The following DIS3L2 variants were observed in gnomAD, a reference collection of about 807,000 sequenced individuals.
DIS3L2 encodes DIS3 like 3'-5' exoribonuclease 2, also known as DIS3-like exonuclease 2.
A neutral mutation model predicts 97.5 loss-of-function variants in DIS3L2; 34 were observed. The ratio of observed to expected loss-of-function variants is 0.35; its 90% CI spans 0.27 to 0.46. The LOEUF is 0.46. Ranked by LOEUF, DIS3L2 falls within the 20% of genes least tolerant of loss-of-function variation. The pLI is 1.00. For synonymous variants in DIS3L2, 435 were observed against 445.2 expected, an observed-to-expected ratio of 0.98 and a Z score of 0.29; for missense variants, 1,038 against 1,146.0, an observed-to-expected ratio of 0.91 and a Z score of 1.36.
chr2:232,342,051 G>T (rs538677895), downstream of DIS3L2, among the ~76,000 whole-genome samples: 1 of 152,230 alleles, frequency 6.6e-6, no homozygotes, highest in South Asian at 2.1e-4. Flanking sequence ...TAAGGTTGTT[G>T]GGGGTAGTTT....
intron 9 of DIS3L2, chr2:232,172,835 C>T: frequency 2.0e-6 from 1 of 510,988 alleles, no homozygotes; most frequent in Non-Finnish European, 3.9e-6. Context: ...GGTAGTATCT[C>T]ATTGTGGTTT....
chr2:231,981,598 T>TTATATATATATATA (rs10669283), intron 1 of DIS3L2, among the ~76,000 whole-genome samples: 83 of 84,044 alleles, frequency 9.9e-4, no homozygotes, highest in Non-Finnish European at 1.3e-3. Context: ...GTTAAGTATT[T>TTATATATATATATA]TATATATATA....
Position 232,163,315 on chromosome 2 carries a change from A to G in DIS3L2, c.951-144A>G, listed in dbSNP as rs912527445. 387 of 731,766 alleles carry G rather than the reference A, an allele frequency of 5.3e-4. 1 individual carries two copies. Among genetic ancestry groups the G allele is most frequent in the Non-Finnish European group, 7.9e-4 (362 of 455,562 alleles). 45.3% of individuals were successfully genotyped at this position (731,766 alleles called of 1,614,324 possible). A position where few individuals can be genotyped will look rare whatever the true frequency, so the allele number is the denominator to read the frequency against. On this transcript the variant is annotated intron_variant, in intron 8 of 20. Coordinates refer to ENST00000325385, the MANE Select transcript of DIS3L2 (RefSeq NM_152383.5). ...CTGTGTCTTCTGCTTTCCCATTGCC[A>G]GTGATTTACGGATGATCATGTTTCT...
intron 5 of DIS3L2, among the ~76,000 whole-genome samples, chr2:232,048,031 C>G (rs1243126575): frequency 1.3e-5 from 2 of 152,132 alleles, no homozygotes; most frequent in Admixed American, 1.3e-4. Flanking sequence ...CATTCATGCA[C>G]AAGATTTTAT....
intron 8 of DIS3L2, among the ~76,000 whole-genome samples, chr2:232,141,998 C>G (rs1488680201): frequency 6.6e-6 from 1 of 152,102 alleles, no homozygotes; most frequent in Non-Finnish European, 1.5e-5. Flanking sequence ...AGCATAGGCT[C>G]CAAGATTAGC....
intron 3 of DIS3L2, among the ~76,000 whole-genome samples, chr2:232,019,909 G>C (rs1694464944): frequency 6.6e-6 from 1 of 152,056 alleles, no homozygotes; most frequent in East Asian, 1.9e-4. Flanking sequence ...AGAATAATTA[G>C]AGAGAGCCTC....
chr2:231,996,335 C>A (rs758026083), intron 1 of DIS3L2, among the ~76,000 whole-genome samples: 1 of 152,174 alleles, frequency 6.6e-6, no homozygotes, highest in African/African-American at 2.4e-5. Context: ...GTCATAGAAA[C>A]TGGATTCAGC....
At position 232,048,498 on chromosome 2, in the gene DIS3L2, C is replaced by T. The variant is rs535309818; in HGVS notation, c.366+18418C>T. Among the ~76,000 whole-genome samples, 21 of 152,162 alleles carry T rather than the reference C, an allele frequency of 1.4e-4. No homozygotes were observed. The South Asian group carries it at 2.5e-3, about 18-fold the overall frequency. On this transcript the variant is annotated intron_variant, in intron 5 of 20. Coordinates refer to ENST00000325385, the MANE Select transcript of DIS3L2 (RefSeq NM_152383.5). ...CTGTAATCCCAGCACTTTGGGAGGC[C>T]GAGGCGGGTGGATCATGAGGTCAGG...
intron 1 of DIS3L2, among the ~76,000 whole-genome samples, chr2:231,999,333 A>G (rs993704523): frequency 2.6e-5 from 4 of 152,206 alleles, no homozygotes; most frequent in African/African-American, 7.2e-5. Context: ...GGCACTAGAT[A>G]TGCTCATTGC....
intron 13 of DIS3L2, among the ~76,000 whole-genome samples, chr2:232,282,745 G>A (rs1448295764): frequency 6.6e-6 from 1 of 152,198 alleles, no homozygotes; most frequent in Non-Finnish European, 1.5e-5. Flanking sequence ...TCTGTGCTCA[G>A]TGTGCTGCTG....
chr2:231,991,471 T>C (rs1693584734), intron 1 of DIS3L2, among the ~76,000 whole-genome samples: 1 of 152,092 alleles, frequency 6.6e-6, no homozygotes, highest in Admixed American at 6.5e-5. Flanking sequence ...AGTTGGGCTA[T>C]GTTGCCCAGG....
At chr2:232,278,155 C>A (rs72998146) in intron 13 of DIS3L2, among the ~76,000 whole-genome samples, 2 of 151,978 alleles carry the variant, frequency 1.3e-5, no homozygotes, top group African/African-American at 4.8e-5. Context: ...TGCTTTGACT[C>A]GCATTTGTTT....
chr2:232,168,528 T>A (rs1360932758), intron 9 of DIS3L2, among the ~76,000 whole-genome samples: 1 of 152,150 alleles, frequency 6.6e-6, no homozygotes, highest in African/African-American at 2.4e-5. Context: ...CAAGGATTAG[T>A]TTAGCTAAAA....
intron 5 of DIS3L2, among the ~76,000 whole-genome samples, chr2:232,034,379 A>G (rs144022458): frequency 2.0e-5 from 3 of 152,126 alleles, no homozygotes; most frequent in African/African-American, 4.8e-5. Context: ...TAGGCTGTCT[A>G]CTGGTCTATC....
chr2:231,976,957 TG>T (rs1175282063), intron 1 of DIS3L2, among the ~76,000 whole-genome samples: 5 of 151,802 alleles, frequency 3.3e-5, no homozygotes, highest in Non-Finnish European at 7.4e-5. Flanking sequence ...TTAGTAGAGA[TG>T]GGGTTTCACC....
At chr2:232,299,092 G>A (rs1359801730) in intron 13 of DIS3L2, among the ~76,000 whole-genome samples, 2 of 152,218 alleles carry the variant, frequency 1.3e-5, no homozygotes, top group Non-Finnish European at 2.9e-5. Context: ...ATCTTGAACC[G>A]TCCTTGAGTT....
chr2:232,025,419 C>T (rs1450796169), intron 4 of DIS3L2, among the ~76,000 whole-genome samples: 2 of 152,116 alleles, frequency 1.3e-5, no homozygotes, highest in African/African-American at 2.4e-5. Context: ...TATTCTCAAG[C>T]TCAGTTTAGT....
intron 8 of DIS3L2, 149 bp downstream of exon 8, chr2:232,136,868 C>T (rs1698373724): frequency 1.0e-6 from 1 of 952,838 alleles, no homozygotes; most frequent in Admixed American, 2.9e-5. Flanking sequence ...TCAGAAGTCA[C>T]TCTTAGCTGC....
intron 10 of DIS3L2, among the ~76,000 whole-genome samples, chr2:232,233,532 A>T (rs1002614862): frequency 2.6e-5 from 4 of 152,200 alleles, no homozygotes; most frequent in Non-Finnish European, 4.4e-5. Context: ...GGGAGCAAAT[A>T]TCTATCACAA....
Sources: allele counts gnomAD v4.1 joint callset (sites outside exome capture counted in the v4.1 genomes callset), GRCh38; gene constraint gnomAD v4.1.1; transcripts MANE v1.5; gene names NCBI Gene and HGNC (gene_info 2026-07-23, HGNC 2026-07-21).